SCAPER: variants seen among roughly 807,000 people sequenced by gnomAD.
SCAPER encodes S phase cyclin A-associated protein in the endoplasmic reticulum.
SCAPER carries 98 observed loss-of-function variants against 182.2 expected under a neutral mutation model. That is an observed-to-expected ratio of 0.54 (90% confidence interval 0.46 to 0.64). The LOEUF (loss-of-function observed/expected upper bound fraction) is 0.64. SCAPER is among the 30% of genes least tolerant of loss of function. SCAPER has a pLI of 0.00. For missense variants in SCAPER, 1,432 were observed against 1,690.0 expected, an observed-to-expected ratio of 0.85 and a Z score of 2.68; for synonymous variants, 605 against 564.6, an observed-to-expected ratio of 1.07 and a Z score of -1.01.
At chr15:76,705,830 TCC>T in intron 18 of SCAPER, 71 bp downstream of exon 18, 1 of 975,378 alleles carries the variant, frequency 1.0e-6, no homozygotes, top group South Asian at 1.6e-5. Flanking sequence ...TCAATTTTTT[TCC>T]TACAAAATTT....
At chr15:76,553,559 G>C (rs1454649889) in intron 23 of SCAPER, among the ~76,000 whole-genome samples, 1 of 152,092 alleles carries the variant, frequency 6.6e-6, no homozygotes, top group Non-Finnish European at 1.5e-5. Flanking sequence ...AAAGCACTTT[G>C]GCTGGCACAA....
intron 23 of SCAPER, among the ~76,000 whole-genome samples, chr15:76,546,532 T>A (rs1354922316): frequency 2.6e-5 from 4 of 152,082 alleles, no homozygotes; most frequent in Non-Finnish European, 5.9e-5. Flanking sequence ...AGAATAGGAT[T>A]AATACCCCTG....
intron 2 of SCAPER, among the ~76,000 whole-genome samples, chr15:76,868,286 G>A (rs954141529): frequency 2.0e-5 from 3 of 152,138 alleles, no homozygotes; most frequent in South Asian, 4.2e-4. Context: ...CTAGCACTTC[G>A]AGAGGCAGAG....
rs1041240173 is a variant in SCAPER, at chr15:76,384,081, G to A, written c.3468-2466C>T. 7.2e-5 allele frequency among the ~76,000 whole-genome samples: 11 copies of A among 152,292 alleles called. No homozygotes were observed. In the South Asian group the frequency reaches 1.9e-3, roughly 26 times the overall value. ...GACCCTGACTAGAGACGTGAGTAGA[G>A]ATTAATGTGTCTGAGTTTATTATAT... On this transcript the variant is annotated intron_variant, in intron 27 of 31. Transcript: ENST00000563290.
At chr15:76,431,948 G>C (rs966890243) in intron 26 of SCAPER, among the ~76,000 whole-genome samples, 1 of 152,118 alleles carries the variant, frequency 6.6e-6, no homozygotes, top group Non-Finnish European at 1.5e-5. Flanking sequence ...AAGGTATTAG[G>C]GGAAAAATAC....
chr15:76,705,936 A>T lies in SCAPER; in HGVS notation c.2214T>A (p.Ala738=), dbSNP rs1037294311. Residue 738 remains alanine (A), a synonymous_variant, in exon 18 of 32, where the codon GCT becomes GCA. Coordinates refer to ENST00000563290, the MANE Select transcript of SCAPER (RefSeq NM_020843.4). The part of the protein sequence containing the change: ...LAALTAAQQE[A]MEELQKKIQL... ...GAATTTTTTTCTGTAACTCTTCCAT[A>T]GCTTCTTGTTGAGCAGCTGTGAGTG... 21 of 1,563,980 alleles carry T rather than the reference A, an allele frequency of 1.3e-5. No homozygotes were observed. The highest frequency in any genetic ancestry group is 9.3e-5 in the Admixed American group (5 of 54,026).
intron 1 of SCAPER, among the ~76,000 whole-genome samples, chr15:76,887,231 A>G (rs186916607): frequency 3.3e-5 from 5 of 152,344 alleles, no homozygotes; most frequent in Admixed American, 6.5e-5. Context: ...AGCTTCCAGC[A>G]TAAGTGACAC....
chr15:76,720,883 C>T (rs1490263623), intron 17 of SCAPER, among the ~76,000 whole-genome samples: 2 of 152,092 alleles, frequency 1.3e-5, no homozygotes, highest in Non-Finnish European at 2.9e-5. Flanking sequence ...GTTGCCTGTT[C>T]ACTCTGATGG....
intron 23 of SCAPER, among the ~76,000 whole-genome samples, chr15:76,566,661 G>C (rs2047057677): frequency 1.3e-5 from 2 of 151,946 alleles, no homozygotes; most frequent in African/African-American, 2.4e-5. Context: ...ACAATGGTAA[G>C]ACTAAGGAAA....
chr15:76,851,108 C>A (rs2070712341), intron 4 of SCAPER, among the ~76,000 whole-genome samples: 2 of 151,954 alleles, frequency 1.3e-5, no homozygotes, highest in Non-Finnish European at 2.9e-5. Flanking sequence ...AATCTCAGAA[C>A]TTGAAGGCTG....
At chr15:76,434,034 T>A in intron 26 of SCAPER, 44 bp downstream of exon 26, 1 of 1,498,114 alleles carries the variant, frequency 6.7e-7, no homozygotes, top group South Asian at 1.2e-5. Context: ...TTTAATATAG[T>A]TTCTTAACAA....
chr15:76,715,206 C>T (rs2059823590), intron 17 of SCAPER, among the ~76,000 whole-genome samples: 1 of 151,476 alleles, frequency 6.6e-6, no homozygotes, highest in African/African-American at 2.4e-5. Flanking sequence ...ACTGGTGAGA[C>T]AGCACCTCAC....
intron 2 of SCAPER, among the ~76,000 whole-genome samples, chr15:76,872,830 GA>G (rs2072822653): frequency 6.6e-6 from 1 of 151,970 alleles, no homozygotes; most frequent in Admixed American, 6.5e-5. Context: ...TTAAAGATAT[GA>G]AAAACAAAGT....
chr15:76,829,514 A>G (rs184141987), intron 5 of SCAPER, among the ~76,000 whole-genome samples: 1 of 152,266 alleles, frequency 6.6e-6, no homozygotes. Flanking sequence ...GGCTTCTCTT[A>G]TAATCATTTC....
chr15:76,448,168 A>G (rs972423588), intron 25 of SCAPER, among the ~76,000 whole-genome samples: 1 of 152,194 alleles, frequency 6.6e-6, no homozygotes, highest in South Asian at 2.1e-4. Context: ...GGGGTAAGAC[A>G]ATGAAGGATT....
chr15:76,870,340 T>C (rs1568376371), intron 2 of SCAPER, among the ~76,000 whole-genome samples: 1 of 152,094 alleles, frequency 6.6e-6, no homozygotes, highest in Admixed American at 6.5e-5. Flanking sequence ...AATTATCACA[T>C]GTACCCCAAA....
At chr15:76,430,298 C>T (rs777406860) in intron 26 of SCAPER, among the ~76,000 whole-genome samples, 7 of 152,166 alleles carry the variant, frequency 4.6e-5, no homozygotes, top group Admixed American at 1.3e-4. Context: ...ACTGTGGCAC[C>T]GCATAGTGGA....
chr15:76,371,246 A>G (rs1044243438), intron 29 of SCAPER, among the ~76,000 whole-genome samples: 1 of 152,206 alleles, frequency 6.6e-6, no homozygotes, highest in Non-Finnish European at 1.5e-5. Flanking sequence ...TCAAGAGACA[A>G]GAGATGGCAA....
chr15:76,392,725 C>T (rs1408299522), intron 27 of SCAPER, among the ~76,000 whole-genome samples: 2 of 152,176 alleles, frequency 1.3e-5, no homozygotes, highest in African/African-American at 2.4e-5. Flanking sequence ...CACGCTGCCA[C>T]AGGTCACAGA....
Sources: allele counts gnomAD v4.1 joint callset (sites outside exome capture counted in the v4.1 genomes callset), GRCh38; gene constraint gnomAD v4.1.1; transcripts MANE v1.5; gene names NCBI Gene and HGNC (gene_info 2026-07-23, HGNC 2026-07-21).